The following FLRT2 variants were observed in gnomAD, a reference collection of about 807,000 sequenced individuals.
FLRT2 encodes fibronectin leucine rich transmembrane protein 2.
A neutral mutation model predicts 40.0 loss-of-function variants in FLRT2; 15 were observed. The ratio of observed to expected loss-of-function variants is 0.38; its 90% CI spans 0.25 to 0.58. The LOEUF (loss-of-function observed/expected upper bound fraction) is 0.58. Ranked by LOEUF, FLRT2 falls within the 20% of genes least tolerant of loss-of-function variation. FLRT2 has a pLI of 0.71. For synonymous variants in FLRT2, 380 were observed against 336.8 expected, an observed-to-expected ratio of 1.13 and a Z score of -1.41; for missense variants, 726 against 840.0, an observed-to-expected ratio of 0.86 and a Z score of 1.68.
rs565329168 is a variant in FLRT2 at position 85,632,817 on chromosome 14, C to T, written c.*9320C>T. ...AGAAATCAGTTTGAAATCAAGCTGACTTACTTTGGAATCCTGCTTCAACCA... is the reference window on the plus strand; with the variant it reads ...AGAAATCAGTTTGAAATCAAGCTGATTTACTTTGGAATCCTGCTTCAACCA... On this transcript the variant is annotated 3_prime_UTR_variant, in exon 2 of 2. Transcript: ENST00000330753. The T allele has an allele frequency of 6.6e-6, 1 of 152,318 alleles. No individual in the cohort carries two copies. The highest frequency in any genetic ancestry group is 2.4e-5 in the African/African-American group (1 of 41,576). The allele number at this position is 152,318 out of a possible 1,614,324, so 9.4% of individuals were successfully genotyped here.
chr14:85,615,142 G>T (rs1486350711), intron 1 of FLRT2, among the ~76,000 whole-genome samples: 1 of 152,126 alleles, frequency 6.6e-6, no homozygotes, highest in East Asian at 1.9e-4. Context: ...GTGGAAAGAG[G>T]CCACCCAGTC....
At chr14:85,578,076 G>A (rs1891201546) in intron 1 of FLRT2, among the ~76,000 whole-genome samples, 1 of 147,650 alleles carries the variant, frequency 6.8e-6, no homozygotes, top group Non-Finnish European at 1.5e-5. Flanking sequence ...TGCACAAAAG[G>A]ACACCCAGTT....
chr14:85,585,377 G>A (rs1255754245), intron 1 of FLRT2, among the ~76,000 whole-genome samples: 2 of 152,130 alleles, frequency 1.3e-5, no homozygotes, highest in African/African-American at 4.8e-5. Context: ...TATTGTCACT[G>A]CGTTCAGGCT....
At chr14:85,546,000 T>C (rs1204494034) in intron 1 of FLRT2, among the ~76,000 whole-genome samples, 2 of 152,258 alleles carry the variant, frequency 1.3e-5, no homozygotes, top group Non-Finnish European at 2.9e-5. Flanking sequence ...AAAATCTATG[T>C]AATTGCTCAG....
At chr14:85,564,166 C>T (rs1192975207) in intron 1 of FLRT2, among the ~76,000 whole-genome samples, 1 of 152,186 alleles carries the variant, frequency 6.6e-6, no homozygotes, top group Non-Finnish European at 1.5e-5. Flanking sequence ...ACCTGCTCTT[C>T]TCTGCCTGTA....
intron 1 of FLRT2, among the ~76,000 whole-genome samples, chr14:85,539,614 A>T (rs1003764271): frequency 6.6e-6 from 1 of 152,210 alleles, no homozygotes; most frequent in Non-Finnish European, 1.5e-5. Flanking sequence ...TGTATGAATT[A>T]CTTAATCTCC....
chr14:85,607,064 TA>T (rs773568757), intron 1 of FLRT2, among the ~76,000 whole-genome samples: 1 of 152,054 alleles, frequency 6.6e-6, no homozygotes, highest in Non-Finnish European at 1.5e-5. Flanking sequence ...AAGGTTTTTT[TA>T]AATCTCTTTT....
intron 1 of FLRT2, among the ~76,000 whole-genome samples, chr14:85,599,708 C>T (rs1030799185): frequency 1.3e-5 from 2 of 152,104 alleles, no homozygotes; most frequent in African/African-American, 2.4e-5. Flanking sequence ...TTCCTCCCCC[C>T]GTCTTTCCTT....
At position 85,652,484 on chromosome 14, in the gene FLRT2, AT is replaced by A. The variant is rs1261846735; in HGVS notation, c.*28994del. ...GCCATAGGAAAATTCTTTTTTGAGA[AT>A]TTTTTTCTTATAACGTTCTTCATCT... On this transcript the variant is annotated 3_prime_UTR_variant, in exon 2 of 2. Coordinates refer to ENST00000330753, the MANE Select transcript of FLRT2 (RefSeq NM_013231.6). 7.2e-5 allele frequency: 11 copies of A among 152,086 alleles called. No individual in the cohort carries two copies. Among genetic ancestry groups the A allele is most frequent in the East Asian group, 1.9e-4 (1 of 5,156 alleles). The allele number at this position is 152,086 out of a possible 1,614,324, so 9.4% of individuals were successfully genotyped here. A position where few individuals can be genotyped will look rare whatever the true frequency, so the allele number is the denominator to read the frequency against.
chr14:85,575,294 T>C (rs1344417115), intron 1 of FLRT2, among the ~76,000 whole-genome samples: 1 of 152,160 alleles, frequency 6.6e-6, no homozygotes, highest in African/African-American at 2.4e-5. Context: ...ACCACATTCC[T>C]CTCTGTCTGC....
chr14:85,606,200 A>G (rs1362817378), intron 1 of FLRT2, among the ~76,000 whole-genome samples: 1 of 152,210 alleles, frequency 6.6e-6, no homozygotes, highest in African/African-American at 2.4e-5. Flanking sequence ...AATGGTTAAG[A>G]GTACTGTGTG....
chr14:85,649,015 T>G lies in FLRT2; in HGVS notation c.*25518T>G, dbSNP rs993963540. The G allele has an allele frequency of 1.3e-5, 2 of 152,110 alleles. No individual in the cohort carries two copies. Among genetic ancestry groups the G allele is most frequent in the Middle Eastern group, 3.2e-3 (1 of 314 alleles). 9.4% of individuals were successfully genotyped at this position (152,110 alleles called of 1,614,324 possible). A position where few individuals can be genotyped will look rare whatever the true frequency, so the allele number is the denominator to read the frequency against. On this transcript the variant is annotated 3_prime_UTR_variant, in exon 2 of 2. Coordinates refer to ENST00000330753, the MANE Select transcript of FLRT2 (RefSeq NM_013231.6). ...TAGCACCCATGCAAAATATTTTGGC[T>G]ACAGGGAGTGCTCCAATTTTGATAC...
intron 1 of FLRT2, among the ~76,000 whole-genome samples, chr14:85,603,432 C>T (rs1388101175): frequency 6.6e-6 from 1 of 152,166 alleles, no homozygotes. Context: ...TAAAGAATAG[C>T]TGTGTCTGAC....
chr14:85,550,965 A>G (rs1889587318), intron 1 of FLRT2, among the ~76,000 whole-genome samples: 1 of 152,146 alleles, frequency 6.6e-6, no homozygotes, highest in African/African-American at 2.4e-5. Flanking sequence ...CTGGCTTTTC[A>G]TTACCCTATC....
At chr14:85,564,482 C>T (rs1890525146) in intron 1 of FLRT2, among the ~76,000 whole-genome samples, 1 of 152,044 alleles carries the variant, frequency 6.6e-6, no homozygotes, top group African/African-American at 2.4e-5. Flanking sequence ...AATTAAAAGC[C>T]TAAGTCATTA....
rs1476708170 is a variant in FLRT2, at chr14:85,642,712, A to G, written c.*19215A>G. ...GGTACATATACTAGAGCCTGCATGC[A>G]ATGAGCTTACCCAACCAGCTCAGAG... On this transcript the variant is annotated 3_prime_UTR_variant, in exon 2 of 2. Transcript: ENST00000330753. 6.6e-6 allele frequency: 1 copy of G among 152,154 alleles called. No homozygotes were observed. Among genetic ancestry groups the G allele is most frequent in the African/African-American group, 2.4e-5 (1 of 41,424 alleles). The allele number at this position is 152,154 out of a possible 1,614,324, so 9.4% of individuals were successfully genotyped here. A position where few individuals can be genotyped will look rare whatever the true frequency, so the allele number is the denominator to read the frequency against.
At chr14:85,588,395 C>T (rs1351817559) in intron 1 of FLRT2, among the ~76,000 whole-genome samples, 3 of 151,894 alleles carry the variant, frequency 2.0e-5, no homozygotes, top group Admixed American at 6.6e-5. Context: ...GATAGTATTA[C>T]TCAAATAAGA....
In FLRT2 at chr14:85,629,058, T is replaced by C. The variant is rs1893802929; in HGVS notation, c.*5561T>C. The C allele has an allele frequency of 6.6e-6, 1 of 152,178 alleles. No individual in the cohort carries two copies. Among genetic ancestry groups the C allele is most frequent in the Non-Finnish European group, 1.5e-5 (1 of 68,024 alleles). The allele number at this position is 152,178 out of a possible 1,614,324, so 9.4% of individuals were successfully genotyped here. On this transcript the variant is annotated 3_prime_UTR_variant, in exon 2 of 2. Coordinates refer to ENST00000330753, the MANE Select transcript of FLRT2 (RefSeq NM_013231.6). The stretch of plus-strand genomic sequence containing the variant: ...TTCATCTACTTTCTACAGCACTATG[T>C]TAGGGTCTTCCGGGGATTCAGAGAA...
At chr14:85,572,234 A>G (rs1166991934) in intron 1 of FLRT2, among the ~76,000 whole-genome samples, 2 of 151,908 alleles carry the variant, frequency 1.3e-5, no homozygotes. Context: ...TTCAAGGCCA[A>G]TCTTAAGTGG....
Sources: gnomAD v4.1 joint callset for allele counts (sites outside exome capture counted in the v4.1 genomes callset) on GRCh38, gnomAD v4.1.1 for gene constraint, MANE v1.5 for transcripts, NCBI Gene and HGNC (gene_info 2026-07-23, HGNC 2026-07-21) for gene names.